The following NARS2 variants were observed in gnomAD, a reference collection of about 807,000 sequenced individuals.
The protein encoded by NARS2 is asparaginyl-tRNA synthetase.
In NARS2, 60 loss-of-function variants were observed where a neutral mutation model predicts 62.9. The observed-to-expected ratio is 0.95, with a 90% CI of 0.77 to 1.18. NARS2 has a LOEUF of 1.18. Ranked by LOEUF, NARS2 falls within the 50% of genes most tolerant of loss-of-function variation. NARS2 has a pLI of 0.00. For missense variants in NARS2, 619 were observed against 576.4 expected (o/e 1.07, Z -0.76); for synonymous variants, 196 against 200.0 (o/e 0.98, Z 0.17).
intron 6 of NARS2, among the ~76,000 whole-genome samples, chr11:78,508,575 G>A (rs1330595196): frequency 6.9e-6 from 1 of 144,052 alleles, no homozygotes; most frequent in Non-Finnish European, 1.5e-5. Flanking sequence ...GTGACAGAGG[G>A]TGACTCCATC....
chr11:78,477,551 G>A (rs1028189576), intron 9 of NARS2, among the ~76,000 whole-genome samples: 1 of 152,206 alleles, frequency 6.6e-6, no homozygotes, highest in African/African-American at 2.4e-5. Context: ...ATCCTGGTCT[G>A]TGATGGTTAA....
At chr11:78,528,679 AAAC>A (rs1224884063) in intron 6 of NARS2, among the ~76,000 whole-genome samples, 160 bp downstream of exon 6, 1 of 152,224 alleles carries the variant, frequency 6.6e-6, no homozygotes, top group Non-Finnish European at 1.5e-5. Flanking sequence ...TTTTCACTAA[AAAC>A]AAAAGTCTGT....
At chr11:78,453,680 A>C (rs141589376) in intron 11 of NARS2, among the ~76,000 whole-genome samples, 212 of 152,312 alleles carry the variant, frequency 1.4e-3, no homozygotes, top group Non-Finnish European at 2.4e-3. Flanking sequence ...CTAGTATCAG[A>C]AGAAAAAGAA....
In NARS2 at chr11:78,439,039, T is replaced by C. The variant is rs558009703; in HGVS notation, c.1289+2052A>G. Among the ~76,000 whole-genome samples the C allele has an allele frequency of 6.1e-4, 92 of 151,784 alleles. No homozygotes were observed. The South Asian group carries it at 0.018, about 30-fold the overall frequency. ...TGCCCAGGCTGGGGTGCAGTCTGTA[T>C]TTAGCTTTTTTTTTTGAGATGGACT... On this transcript the variant is annotated intron_variant, in intron 13 of 13. Transcript: ENST00000281038.
At chr11:78,513,856 G>T (rs1163472964) in intron 6 of NARS2, among the ~76,000 whole-genome samples, 1 of 152,098 alleles carries the variant, frequency 6.6e-6, no homozygotes, top group East Asian at 1.9e-4. Context: ...GTGGTTTCTG[G>T]ATCATAGGGG....
intron 7 of NARS2, among the ~76,000 whole-genome samples, chr11:78,488,428 T>A (rs1224504268): frequency 6.6e-6 from 1 of 152,144 alleles, no homozygotes; most frequent in African/African-American, 2.4e-5. Flanking sequence ...AGCCAAAGAA[T>A]GCAGGCAGTC....
In NARS2 at chr11:78,461,428, A is replaced by T. The variant is rs141725910; in HGVS notation, c.1164+4448T>A. On this transcript the variant is annotated intron_variant, in intron 11 of 13. Coordinates refer to ENST00000281038, the MANE Select transcript of NARS2 (RefSeq NM_024678.6). ...AGAGGGTTATAAGAATAAAAAAGTCATTAATAGTGCTGATTAGCACTGACC... is the reference window on the plus strand; with the variant it reads ...AGAGGGTTATAAGAATAAAAAAGTCTTTAATAGTGCTGATTAGCACTGACC... Among the ~76,000 whole-genome samples the T allele has an allele frequency of 3.9e-5, 6 of 152,098 alleles. No homozygotes were observed. In the East Asian group the frequency reaches 1.2e-3, roughly 29 times the overall value.
At chr11:78,505,111 C>T (rs546372637) in intron 6 of NARS2, among the ~76,000 whole-genome samples, 1 of 151,158 alleles carries the variant, frequency 6.6e-6, no homozygotes, top group Non-Finnish European at 1.5e-5. Flanking sequence ...GAGAAATTCA[C>T]ACCCACTGCA....
intron 9 of NARS2, among the ~76,000 whole-genome samples, chr11:78,475,824 C>T (rs987511462): frequency 3.3e-5 from 5 of 152,030 alleles, no homozygotes; most frequent in African/African-American, 1.2e-4. Context: ...TGGTCCTGAA[C>T]TCCTGGGTTC....
Position 78,528,864 on chromosome 11 carries a change from G to T in NARS2, c.667C>A (p.Leu223Ile). 1 of 1,611,498 alleles carries T rather than the reference G, an allele frequency of 6.2e-7. No homozygotes were observed. Among genetic ancestry groups the T allele is most frequent in the Non-Finnish European group, 8.5e-7 (1 of 1,178,274 alleles). The change falls in exon 6 of 14, where the codon CTT becomes ATT. Residue 223 changes from leucine to isoleucine, a missense_variant. Coordinates refer to ENST00000281038, the MANE Select transcript of NARS2 (RefSeq NM_024678.6). ...VPAFLTVSGQ[L>I]HLEVMSGAFT... ...TACCCTGACATCACTTCTAGATGAA[G>T]TTGTCCTGAGACAGTTAAGAAAGCA...
chr11:78,475,127 T>TA (rs36010457), intron 9 of NARS2, among the ~76,000 whole-genome samples: 47,476 of 151,964 alleles, frequency 0.31, 9,045 homozygotes, highest in African/African-American at 0.53. Context: ...ACTACTTCTG[T>TA]AGTGTTAACT....
At chr11:78,523,320 G>A (rs927213166) in intron 6 of NARS2, among the ~76,000 whole-genome samples, 1 of 152,116 alleles carries the variant, frequency 6.6e-6, no homozygotes, top group African/African-American at 2.4e-5. Flanking sequence ...ACAATAATAA[G>A]CATTTGCAAG....
chr11:78,564,340 C>T (rs1380822657), intron 4 of NARS2, among the ~76,000 whole-genome samples: 1 of 151,862 alleles, frequency 6.6e-6, no homozygotes, highest in Non-Finnish European at 1.5e-5. Flanking sequence ...GGACTATAGG[C>T]ACATGCCACC....
At chr11:78,506,500 C>T (rs1860504076) in intron 6 of NARS2, among the ~76,000 whole-genome samples, 5 of 152,136 alleles carry the variant, frequency 3.3e-5, no homozygotes, top group Admixed American at 3.3e-4. Context: ...AATCTGTCTA[C>T]CCACCTAGAC....
chr11:78,466,037 C>A, intron 10 of NARS2, 24 bp from the exon 11 acceptor site: 1 of 1,561,612 alleles, frequency 6.4e-7, no homozygotes, highest in Non-Finnish European at 8.6e-7. Context: ...AAAGAAATGA[C>A]CAAAAGAGGA....
chr11:78,478,404 T>A, intron 9 of NARS2, 34 bp downstream of exon 9: 1 of 919,738 alleles, frequency 1.1e-6, no homozygotes, highest in Non-Finnish European at 1.6e-6. Flanking sequence ...ACAGTGATAA[T>A]GAATAAAGTT....
intron 2 of NARS2, among the ~76,000 whole-genome samples, chr11:78,569,016 T>C (rs1856831976): frequency 6.6e-6 from 1 of 152,198 alleles, no homozygotes; most frequent in Non-Finnish European, 1.5e-5. Context: ...ATTGCCCTTA[T>C]TAAAAAGTTA....
intron 6 of NARS2, among the ~76,000 whole-genome samples, chr11:78,523,153 T>C (rs925643814): frequency 7.9e-5 from 12 of 152,114 alleles, no homozygotes; most frequent in Non-Finnish European, 5.9e-5. Flanking sequence ...ATAAAATACA[T>C]ACAAATGGCC....
intron 6 of NARS2, among the ~76,000 whole-genome samples, chr11:78,514,815 C>T (rs1860844889): frequency 6.6e-6 from 1 of 152,138 alleles, no homozygotes. Context: ...GCACATTAGA[C>T]AGAGACACTA....
Sources: gnomAD v4.1 joint callset for allele counts (sites outside exome capture counted in the v4.1 genomes callset) on GRCh38, gnomAD v4.1.1 for gene constraint, MANE v1.5 for transcripts, NCBI Gene and HGNC (gene_info 2026-07-23, HGNC 2026-07-21) for gene names.